The following CPN1 variants were observed in gnomAD, a reference collection of about 807,000 sequenced individuals.
CPN1 encodes carboxypeptidase N subunit 1.
Under a neutral mutation model 46.4 loss-of-function variants are expected in CPN1, and 37 were observed. The observed-to-expected ratio is 0.80, with a 90% CI of 0.61 to 1.05. The LOEUF (loss-of-function observed/expected upper bound fraction) is 1.05, where lower values mean the gene tolerates loss of function less well. Among genes scored for constraint, CPN1 ranks in the 50% least tolerant of loss-of-function variants. The pLI is 0.00. For missense variants in CPN1, 563 were observed against 602.6 expected (o/e 0.93, Z 0.69); for synonymous variants, 224 against 235.4 (o/e 0.95, Z 0.44).
chr10:100,081,742 C>T lies in CPN1; in HGVS notation c.-117G>A. 1 of 825,492 alleles carries T rather than the reference C, an allele frequency of 1.2e-6. No homozygotes were observed. The highest frequency in any genetic ancestry group is 1.4e-5 in the South Asian group (1 of 69,234). 51.1% of individuals were successfully genotyped at this position (825,492 alleles called of 1,614,324 possible). A position where few individuals can be genotyped will look rare whatever the true frequency, so the allele number is the denominator to read the frequency against. ...TAGCTTCCCGCTTGTAAACACCAGT[C>T]CAAATTGGAAGACGTTCCCAGCTGT... On this transcript the variant is annotated 5_prime_UTR_variant, in exon 1 of 9. Coordinates refer to ENST00000370418, the MANE Select transcript of CPN1 (RefSeq NM_001308.3).
rs201192138 is a variant in CPN1 at position 100,042,589 on chromosome 10, C to G, written c.1231-16G>C. 6.1e-5 allele frequency: 99 copies of G among 1,613,760 alleles called. 2 individuals are homozygous for G. The South Asian group carries it at 1.0e-3, about 16-fold the overall frequency. ...GGAAGTTAACCTGGAAGAAAAAAAG[C>G]AGGAGCTACGAGATCCGTTTGGACC... On this transcript the variant is annotated splice_polypyrimidine_tract_variant and intron_variant, in intron 8 of 8. Transcript: ENST00000370418.
In CPN1 at chr10:100,074,283, G is replaced by T. The variant is rs112369866; in HGVS notation, c.420+1628C>A. 8.2e-3 allele frequency among the ~76,000 whole-genome samples: 1,245 copies of T among 152,298 alleles called. 23 individuals carry two copies. The highest frequency in any genetic ancestry group is 0.027 in the African/African-American group (1,136 of 41,554). The stretch of plus-strand genomic sequence containing the variant: ...GCCTCTGGGCATGGCAGGTATCTCT[G>T]AGAGTCTGAGAACCTGATGGGTCCT... On this transcript the variant is annotated intron_variant, in intron 2 of 8. Transcript: ENST00000370418.
intron 3 of CPN1, among the ~76,000 whole-genome samples, chr10:100,065,679 A>G (rs2041450787): frequency 1.3e-5 from 2 of 152,166 alleles, no homozygotes; most frequent in Non-Finnish European, 2.9e-5. Context: ...GTGGCTATAT[A>G]TCATCATACC....
At chr10:100,057,570 A>T (rs902126861) in intron 5 of CPN1, among the ~76,000 whole-genome samples, 2 of 152,046 alleles carry the variant, frequency 1.3e-5, no homozygotes, top group African/African-American at 4.8e-5. Flanking sequence ...AGGTATTTGG[A>T]GGTTGGGACC....
At chr10:100,050,129 G>C (rs907118271) in intron 7 of CPN1, among the ~76,000 whole-genome samples, 1 of 152,136 alleles carries the variant, frequency 6.6e-6, no homozygotes, top group African/African-American at 2.4e-5. Flanking sequence ...CAGGTGGGTG[G>C]ATCACCTGAG....
Position 100,048,726 on chromosome 10 carries a change from T to C in CPN1, c.1230+32A>G, listed in dbSNP as rs41373650. On this transcript the variant is annotated intron_variant, in intron 8 of 8. Coordinates refer to ENST00000370418, the MANE Select transcript of CPN1 (RefSeq NM_001308.3). ...AAAAAAAGACTGTATAAGTGATCTC[T>C]ACAGTGCACCGTCAAGCTCAGCCTA... 4,047 of 1,439,608 alleles carry C rather than the reference T, an allele frequency of 2.8e-3. 96 individuals are homozygous for C. In the African/African-American group the frequency reaches 0.051, roughly 18 times the overall value. The allele number at this position is 1,439,608 out of a possible 1,614,324, so 89.2% of individuals were successfully genotyped here.
At chr10:100,056,066 A>G (rs934650412) in intron 6 of CPN1, among the ~76,000 whole-genome samples, 10 of 152,218 alleles carry the variant, frequency 6.6e-5, no homozygotes, top group Non-Finnish European at 1.3e-4. Flanking sequence ...AGGAATTGCC[A>G]GTAACTGTTT....
intron 8 of CPN1, among the ~76,000 whole-genome samples, chr10:100,046,673 T>C (rs2041314157): frequency 6.6e-6 from 1 of 151,522 alleles, no homozygotes; most frequent in African/African-American, 2.4e-5. Flanking sequence ...CTTGGGAGGT[T>C]GAGGCAGGAG....
intron 1 of CPN1, among the ~76,000 whole-genome samples, chr10:100,078,341 C>A (rs896748720): frequency 3.9e-5 from 6 of 152,212 alleles, no homozygotes; most frequent in African/African-American, 1.4e-4. Flanking sequence ...CACAGCTGGC[C>A]TCTACTTTCA....
At chr10:100,069,556 G>A (rs1028240032) in intron 3 of CPN1, among the ~76,000 whole-genome samples, 158 bp downstream of exon 3, 2 of 151,846 alleles carry the variant, frequency 1.3e-5, no homozygotes, top group Non-Finnish European at 2.9e-5. Context: ...ACAAAGACAC[G>A]GAAGAAATAT....
Position 100,056,920 on chromosome 10 carries a change from C to G in CPN1, c.1011+93G>C, listed in dbSNP as rs2041387347. 3 of 1,533,688 alleles carry G rather than the reference C, an allele frequency of 2.0e-6. No individual in the cohort carries two copies. In the South Asian group the frequency reaches 3.4e-5, roughly 17 times the overall value. On this transcript the variant is annotated intron_variant, in intron 6 of 8. Coordinates refer to ENST00000370418, the MANE Select transcript of CPN1 (RefSeq NM_001308.3). ...CCAGATCTATTGGACTGAGTCAGAG[C>G]AAAAGTCAGACCTGAACCAGTGAAA...
At chr10:100,080,131 C>T (rs1014619387) in intron 1 of CPN1, among the ~76,000 whole-genome samples, 1 of 150,720 alleles carries the variant, frequency 6.6e-6, no homozygotes, top group Non-Finnish European at 1.5e-5. Context: ...GAGTTCAGTG[C>T]AATCATGTAG....
At chr10:100,075,377 A>G (rs1334425102) in intron 2 of CPN1, among the ~76,000 whole-genome samples, 1 of 152,222 alleles carries the variant, frequency 6.6e-6, no homozygotes, top group Non-Finnish European at 1.5e-5. Context: ...TAAGTGCTAT[A>G]CTAGTAGAGG....
chr10:100,080,920 AG>A (rs1344673844), intron 1 of CPN1, among the ~76,000 whole-genome samples: 6 of 152,146 alleles, frequency 3.9e-5, no homozygotes, highest in Admixed American at 2.6e-4. Context: ...AAAAGAATCC[AG>A]TAAATAAAAC....
intron 7 of CPN1, among the ~76,000 whole-genome samples, chr10:100,051,656 T>C (rs1012987796): frequency 2.0e-5 from 3 of 150,780 alleles, no homozygotes; most frequent in African/African-American, 4.9e-5. Context: ...GCCTCCTGAG[T>C]ATCTGGGACT....
intron 7 of CPN1, among the ~76,000 whole-genome samples, chr10:100,049,145 G>C (rs1199277429): frequency 1.3e-5 from 2 of 151,944 alleles, no homozygotes; most frequent in African/African-American, 4.8e-5. Context: ...TTTTAGTAGA[G>C]ACGGGGTTTC....
intron 4 of CPN1, 120 bp from the exon 5 acceptor site, chr10:100,063,845 G>C: frequency 1.3e-6 from 1 of 761,086 alleles, no homozygotes; most frequent in Admixed American, 2.0e-5. Flanking sequence ...TGGATTATTT[G>C]CTTTAGTGAA....
rs113386068 is a variant in CPN1 at position 100,054,487 on chromosome 10, T to C, written c.1012-41A>G. On this transcript the variant is annotated intron_variant, in intron 6 of 8. Coordinates refer to ENST00000370418, the MANE Select transcript of CPN1 (RefSeq NM_001308.3). The stretch of plus-strand genomic sequence containing the variant: ...TATAGTTATGATCATAAAACATTTG[T>C]ACCATTTGTACAGTGTTTTAGAGTC... The C allele has an allele frequency of 1.3e-3, 1,885 of 1,487,074 alleles. 23 individuals carry two copies. In the African/African-American group the frequency reaches 0.019, roughly 15 times the overall value. 92.1% of individuals were successfully genotyped at this position (1,487,074 alleles called of 1,614,324 possible). A position where few individuals can be genotyped will look rare whatever the true frequency, so the allele number is the denominator to read the frequency against.
intron 3 of CPN1, among the ~76,000 whole-genome samples, chr10:100,066,210 C>T (rs1403010163): frequency 6.6e-6 from 1 of 152,138 alleles, no homozygotes; most frequent in African/African-American, 2.4e-5. Flanking sequence ...CTCCACCTCC[C>T]AAAGTGTTGG....
Sources: allele counts gnomAD v4.1 joint callset (sites outside exome capture counted in the v4.1 genomes callset), GRCh38; gene constraint gnomAD v4.1.1; transcripts MANE v1.5; gene names NCBI Gene and HGNC (gene_info 2026-07-23, HGNC 2026-07-21).